CD53: variants seen among roughly 807,000 people sequenced by gnomAD.
CD53 encodes the protein CD53 molecule.
In CD53, 20 loss-of-function variants were observed where a neutral mutation model predicts 27.3. That is an observed-to-expected ratio of 0.73 (90% CI 0.52 to 1.07). The LOEUF (loss-of-function observed/expected upper bound fraction) is 1.07, where lower values mean the gene tolerates loss of function less well. Ranked by LOEUF, CD53 falls within the 50% of genes least tolerant of loss-of-function variation. The pLI, the probability that CD53 is intolerant of heterozygous loss-of-function variation, is 0.00. For missense variants in CD53, 216 were observed against 264.0 expected, an observed-to-expected ratio of 0.82 and a Z score of 1.26; for synonymous variants, 106 against 105.3, an observed-to-expected ratio of 1.01 and a Z score of -0.04.
At position 110,886,869 on chromosome 1, in the gene CD53, A is replaced by ATTTTTT. The variant is rs71575170; in HGVS notation, c.-17-4518_-17-4513dup. ...CCAATATATATATATATATATATATATTTTTTTTTTCTGTCTGTGTTTCTT... is the reference window on the plus strand; with the variant it reads ...CCAATATATATATATATATATATATATTTTTTTTTTTTTTTTCTGTCTGTGTTTCTT... On this transcript the variant is annotated intron_variant, in intron 1 of 7. Coordinates refer to ENST00000271324, the MANE Select transcript of CD53 (RefSeq NM_000560.4). Among the ~76,000 whole-genome samples the ATTTTTT allele has an allele frequency of 7.8e-3, 648 of 82,744 alleles. 7 individuals carry two copies. The highest frequency in any genetic ancestry group is 0.025 in the African/African-American group (465 of 18,696). The allele number at this position is 82,744 out of a possible 152,430, so 54.3% of individuals were successfully genotyped here.
intron 1 of CD53, among the ~76,000 whole-genome samples, chr1:110,889,130 G>T (rs1326179189): frequency 6.6e-6 from 1 of 152,052 alleles, no homozygotes; most frequent in African/African-American, 2.4e-5. Context: ...TAAAATTCTA[G>T]ATAAAATGAA....
At chr1:110,893,847 G>A (rs894282074) in intron 3 of CD53, among the ~76,000 whole-genome samples, 11 of 152,162 alleles carry the variant, frequency 7.2e-5, no homozygotes, top group South Asian at 2.1e-4. Flanking sequence ...AGTAAGCATC[G>A]AAAGCTGGAA....
intron 5 of CD53, among the ~76,000 whole-genome samples, 193 bp downstream of exon 5, chr1:110,895,248 T>G (rs544174369): frequency 6.6e-6 from 1 of 152,336 alleles, no homozygotes; most frequent in African/African-American, 2.4e-5. Context: ...CTCTACATTC[T>G]CTCTTTCATC....
At chr1:110,871,922 T>G (rs1180114569), upstream of CD53, among the ~76,000 whole-genome samples, 2 of 151,950 alleles carry the variant, frequency 1.3e-5, no homozygotes, top group Non-Finnish European at 2.9e-5. Context: ...TATTAAGGAC[T>G]GACAAGTTCT....
rs80201187 is a variant in CD53, at chr1:110,882,807, A to G, written c.-17-8585A>G. Among the ~76,000 whole-genome samples the G allele has an allele frequency of 6.2e-4, 95 of 152,150 alleles. No individual in the cohort carries two copies. In the East Asian group the frequency reaches 0.015, roughly 24 times the overall value. The stretch of plus-strand genomic sequence containing the variant: ...ACTTTTGTCAGATTTATGCCTAAGT[A>G]TTTCATATATGATGCTATTGTAAAT... On this transcript the variant is annotated intron_variant, in intron 1 of 7. Coordinates refer to ENST00000271324, the MANE Select transcript of CD53 (RefSeq NM_000560.4).
intron 1 of CD53, among the ~76,000 whole-genome samples, chr1:110,875,795 T>A (rs750179486): frequency 1.3e-5 from 2 of 152,132 alleles, no homozygotes; most frequent in Non-Finnish European, 2.9e-5. Flanking sequence ...GGAGGTTGGG[T>A]GGTCAGTTTG....
intron 6 of CD53, among the ~76,000 whole-genome samples, chr1:110,897,281 G>A (rs1657109464): frequency 6.6e-6 from 1 of 152,194 alleles, no homozygotes; most frequent in South Asian, 2.1e-4. Context: ...CAACTAGACC[G>A]AATCCCTGAG....
chr1:110,886,869 A>ATATATTTTTTT (rs1298376721), intron 1 of CD53, among the ~76,000 whole-genome samples: 18 of 82,782 alleles, frequency 2.2e-4, no homozygotes, highest in African/African-American at 4.3e-4. Context: ...ATATATATAT[A>ATATATTTTTTT]TTTTTTTTTT....
intron 1 of CD53, among the ~76,000 whole-genome samples, chr1:110,873,466 C>T (rs1283673083): frequency 6.6e-6 from 1 of 152,198 alleles, no homozygotes; most frequent in Non-Finnish European, 1.5e-5. Context: ...TTCCCATTAT[C>T]TAAATCTCTG....
intron 1 of CD53, among the ~76,000 whole-genome samples, chr1:110,880,903 C>G (rs557782695): frequency 3.3e-5 from 5 of 152,032 alleles, no homozygotes; most frequent in African/African-American, 9.7e-5. Flanking sequence ...GAGAGGACTT[C>G]CTGGAAAAGT....
chr1:110,889,849 T>G (rs979306725), intron 1 of CD53, among the ~76,000 whole-genome samples: 2 of 152,166 alleles, frequency 1.3e-5, no homozygotes, highest in African/African-American at 2.4e-5. Flanking sequence ...CTGATATATA[T>G]TCAAATGCAT....
Position 110,896,670 on chromosome 1 carries a change from A to C in CD53, c.441A>C (p.Ile147=). The C allele has an allele frequency of 1.2e-6, 2 of 1,613,422 alleles. No individual in the cohort carries two copies. The highest frequency in any genetic ancestry group is 1.7e-6 in the Non-Finnish European group (2 of 1,179,740). Reference sequence around the variant, plus strand: ...GCTTTTAGCTGCAGTGTTGTGGTATAAATGGCACGAGTGATTGGACCAGTG... The same window carrying C: ...GCTTTTAGCTGCAGTGTTGTGGTATCAATGGCACGAGTGATTGGACCAGTG... ...SIQSFLQCCG[I]NGTSDWTSGP... Residue 147 remains isoleucine, a synonymous_variant, in exon 6 of 8, where the codon ATA becomes ATC. Coordinates refer to ENST00000271324, the MANE Select transcript of CD53 (RefSeq NM_000560.4).
Position 110,894,966 on chromosome 1 carries a change from G to A in CD53, c.334G>A (p.Glu112Lys), listed in dbSNP as rs1006729644. 6.2e-7 allele frequency: 1 copy of A among 1,613,590 alleles called. No homozygotes were observed. The highest frequency in any genetic ancestry group is 8.5e-7 in the Non-Finnish European group (1 of 1,179,564). ...CTGGAATGTGCCTGCCCAGCTGAAT[G>A]AGTATGTGGCTAAGGGTCTGACCGA... ...LLFVYEQKLNEYVAKGLTDSI... is the reference protein window; with the variant it reads ...LLFVYEQKLNKYVAKGLTDSI... The change falls in exon 5 of 8, where the codon GAG (glutamate) becomes AAG (lysine). Residue 112 changes from glutamate (E) to lysine (K), a missense_variant. Physicochemically the swap from Glu to Lys is moderately conservative, Grantham distance 56. Transcript: ENST00000271324.
chr1:110,887,135 C>T (rs958534816), intron 1 of CD53, among the ~76,000 whole-genome samples: 1 of 152,018 alleles, frequency 6.6e-6, no homozygotes, highest in East Asian at 1.9e-4. Flanking sequence ...GCGATCTCGG[C>T]TCACTCCAAG....
chr1:110,891,117 T>A (rs1656835521), intron 1 of CD53, among the ~76,000 whole-genome samples: 1 of 152,268 alleles, frequency 6.6e-6, no homozygotes, highest in African/African-American at 2.4e-5. Flanking sequence ...CTGTGACTCA[T>A]CCTCTTCTAA....
chr1:110,895,123 T>C, intron 5 of CD53, 68 bp downstream of exon 5: 2 of 1,152,538 alleles, frequency 1.7e-6, no homozygotes, highest in Non-Finnish European at 2.6e-6. Context: ...CCTTGGGGGC[T>C]AGTTCCTTTT....
chr1:110,875,887 C>T (rs1656113759), intron 1 of CD53, among the ~76,000 whole-genome samples: 1 of 152,158 alleles, frequency 6.6e-6, no homozygotes, highest in Admixed American at 6.5e-5. Context: ...AGAGTAAAGG[C>T]CAGGAATCTC....
In CD53 at chr1:110,891,422, G is replaced by C; in HGVS notation, c.14G>C (p.Ser5Thr). Reference sequence around the variant, plus strand: ...GAATATCACGGCATGGGCATGAGTAGCTTGAAACTGCTGAAGTATGTCCTG... The same window carrying C: ...GAATATCACGGCATGGGCATGAGTACCTTGAAACTGCTGAAGTATGTCCTG... MGMS[S>T]LKLLKYVLFF... The change falls in exon 2 of 8, where the codon AGC (serine) becomes ACC (threonine). Residue 5 changes from serine (S) to threonine (T), a missense_variant. Transcript: ENST00000271324. 5.0e-6 allele frequency: 8 copies of C among 1,613,730 alleles called. No individual in the cohort carries two copies. Among genetic ancestry groups the C allele is most frequent in the Non-Finnish European group, 6.8e-6 (8 of 1,179,636 alleles).
chr1:110,887,326 A>G (rs1287507873), intron 1 of CD53, among the ~76,000 whole-genome samples: 3 of 152,142 alleles, frequency 2.0e-5, no homozygotes, highest in Non-Finnish European at 4.4e-5. Flanking sequence ...GGCCTCCCAA[A>G]GTGCTGGGAT....
Sources: gnomAD v4.1 joint callset for allele counts (sites outside exome capture counted in the v4.1 genomes callset) on GRCh38, gnomAD v4.1.1 for gene constraint, MANE v1.5 for transcripts, NCBI Gene and HGNC (gene_info 2026-07-23, HGNC 2026-07-21) for gene names.